The following POLD3 variants were observed in gnomAD, a reference collection of about 807,000 sequenced individuals.
POLD3 encodes DNA polymerase delta subunit 3.
In POLD3, 19 loss-of-function variants were observed where a neutral mutation model predicts 58.2. That is an observed-to-expected ratio of 0.33 (90% confidence interval 0.23 to 0.48). The LOEUF (loss-of-function observed/expected upper bound fraction) is 0.48, where lower values mean the gene tolerates loss of function less well. Ranked by LOEUF, POLD3 falls within the 20% of genes least tolerant of loss-of-function variation. The pLI is 0.99. For missense variants in POLD3, 504 were observed against 545.5 expected, an observed-to-expected ratio of 0.92 and a Z score of 0.76; for synonymous variants, 172 against 193.5, an observed-to-expected ratio of 0.89 and a Z score of 0.92.
intron 3 of POLD3, among the ~76,000 whole-genome samples, chr11:74,608,348 TG>T (rs941824354): frequency 4.6e-5 from 7 of 152,308 alleles, no homozygotes; most frequent in African/African-American, 1.4e-4. Flanking sequence ...CTTAAACTTC[TG>T]GGCTCAAGTG....
At chr11:74,609,344 TGATATATATATATATATATATA>T in intron 3 of POLD3, among the ~76,000 whole-genome samples, 1 of 65,004 alleles carries the variant, frequency 1.5e-5, no homozygotes, top group African/African-American at 7.0e-5. Context: ...CCATTGTTTT[TGATATATATATATATATATATA>T]TATATATTTT....
Position 74,642,966 on chromosome 11 carries a change from A to G in POLD3, c.*2200A>G. 1 of 982,600 alleles carries G rather than the reference A, an allele frequency of 1.0e-6. No homozygotes were observed. The allele number at this position is 982,600 out of a possible 1,614,324, so 60.9% of individuals were successfully genotyped here. A position where few individuals can be genotyped will look rare whatever the true frequency, so the allele number is the denominator to read the frequency against. On this transcript the variant is annotated 3_prime_UTR_variant, in exon 12 of 12. Transcript: ENST00000263681. ...TCTAGAAGAAAATCTAGCACATTGTATTAGTTTGGCTTCATCACTTGCTAG... is the reference window on the plus strand; with the variant it reads ...TCTAGAAGAAAATCTAGCACATTGTGTTAGTTTGGCTTCATCACTTGCTAG...
intron 2 of POLD3, among the ~76,000 whole-genome samples, chr11:74,597,844 G>A (rs985614907): frequency 2.6e-5 from 4 of 152,208 alleles, no homozygotes; most frequent in Non-Finnish European, 4.4e-5. Context: ...GGAGGCTGAG[G>A]TAGGAGGATT....
intron 4 of POLD3, among the ~76,000 whole-genome samples, chr11:74,656,749 T>G (rs769325321): frequency 7.0e-4 from 4 of 5,714 alleles, no homozygotes; most frequent in Non-Finnish European, 1.3e-3. Flanking sequence ...TCAGGGTTTT[T>G]TTTTTTTTTT....
intron 7 of POLD3, among the ~76,000 whole-genome samples, chr11:74,623,986 G>A (rs191312768): frequency 4.6e-5 from 7 of 152,140 alleles, no homozygotes; most frequent in African/African-American, 1.7e-4. Flanking sequence ...TTTTAATTCA[G>A]ATCAGTTTTC....
intron 4 of POLD3, among the ~76,000 whole-genome samples, chr11:74,658,770 G>C (rs1390020416): frequency 1.3e-5 from 2 of 152,194 alleles, no homozygotes; most frequent in African/African-American, 4.8e-5. Context: ...GATGCAAAAG[G>C]TGGGTTCCCA....
intron 11 of POLD3, among the ~76,000 whole-genome samples, chr11:74,637,174 A>G (rs1206083074): frequency 6.6e-6 from 1 of 151,750 alleles, no homozygotes; most frequent in Non-Finnish European, 1.5e-5. Flanking sequence ...TTCCTAGTTC[A>G]GACTTGTTTT....
intron 4 of POLD3, among the ~76,000 whole-genome samples, chr11:74,648,088 T>A (rs2033022963): frequency 6.6e-6 from 1 of 152,210 alleles, no homozygotes; most frequent in Non-Finnish European, 1.5e-5. Context: ...AACTAGTATA[T>A]TTGAACGCTT....
Position 74,640,780 on chromosome 11 carries a change from G to T in POLD3, c.*14G>T, listed in dbSNP as rs556003065. 124 of 1,565,968 alleles carry T rather than the reference G, an allele frequency of 7.9e-5. 2 individuals carry two copies. The South Asian group carries it at 1.4e-3, about 18-fold the overall frequency. On this transcript the variant is annotated 3_prime_UTR_variant, in exon 12 of 12. Transcript: ENST00000263681. ...CAGAGGAAATAAACTGCCATCTCTG[G>T]TAGATCAGAGACTTGGAGTGGTCAA...
In POLD3 at chr11:74,618,651, C is replaced by A. The variant is rs1281114282; in HGVS notation, c.507C>A (p.Asn169Lys). 5.0e-6 allele frequency: 8 copies of A among 1,614,136 alleles called. No individual in the cohort carries two copies. The highest frequency in any genetic ancestry group is 6.8e-6 in the Non-Finnish European group (8 of 1,180,014). The change falls in exon 6 of 12, where the codon AAC becomes AAA. Residue 169 changes from asparagine (N) to lysine (K), a missense_variant. This residue lies in a region of POLD3 where 385 missense variants were observed against 370.5 expected (regional missense o/e 1.04). Coordinates refer to ENST00000263681, the MANE Select transcript of POLD3 (RefSeq NM_006591.3). Reference protein sequence around the residue: ...HLHMSSETQANNELTTNGHGP... With the variant: ...HLHMSSETQAKNELTTNGHGP... Reference sequence around the variant, plus strand: ...ACATGTCAAGTGAGACACAAGCCAACAATGAGCTGACCACCAATGGTCATG... The same window carrying A: ...ACATGTCAAGTGAGACACAAGCCAAAAATGAGCTGACCACCAATGGTCATG...
intron 3 of POLD3, among the ~76,000 whole-genome samples, chr11:74,606,123 G>A (rs182252025): frequency 2.6e-5 from 4 of 152,296 alleles, no homozygotes; most frequent in African/African-American, 9.6e-5. Context: ...AAAACTGCTA[G>A]AGGGATCCTA....
chr11:74,659,620 C>A (rs1430974906), intron 4 of POLD3, among the ~76,000 whole-genome samples: 1 of 151,270 alleles, frequency 6.6e-6, no homozygotes, highest in Non-Finnish European at 1.5e-5. Flanking sequence ...CTGCCAGATA[C>A]CCTAAATAAT....
At chr11:74,607,832 A>C (rs1430943083) in intron 3 of POLD3, among the ~76,000 whole-genome samples, 2 of 152,048 alleles carry the variant, frequency 1.3e-5, no homozygotes, top group African/African-American at 2.4e-5. Flanking sequence ...TCTTGAACTT[A>C]AGTGATCTGC....
Position 74,611,923 on chromosome 11 carries a change from A to G in POLD3, c.259+385A>G, listed in dbSNP as rs115679196. On this transcript the variant is annotated intron_variant, in intron 4 of 11. Transcript: ENST00000263681. Reference sequence around the variant, plus strand: ...GACTTCTAAATAACTTCTAAATTAAATTTGTCTAACTGTTTCAAGACTATC... The same window carrying G: ...GACTTCTAAATAACTTCTAAATTAAGTTTGTCTAACTGTTTCAAGACTATC... Among the ~76,000 whole-genome samples, 227 of 152,326 alleles carry G rather than the reference A, an allele frequency of 1.5e-3. 1 individual carries two copies. Among genetic ancestry groups the G allele is most frequent in the African/African-American group, 4.9e-3 (205 of 41,568 alleles).
At chr11:74,663,442 G>C (rs1009795468) in intron 4 of POLD3, among the ~76,000 whole-genome samples, 7 of 152,198 alleles carry the variant, frequency 4.6e-5, no homozygotes, top group Non-Finnish European at 1.0e-4. Flanking sequence ...TAAGACAGAG[G>C]TGAAGAACTT....
intron 4 of POLD3, among the ~76,000 whole-genome samples, chr11:74,651,162 C>T (rs2033064290): frequency 6.6e-6 from 1 of 152,200 alleles, no homozygotes; most frequent in African/African-American, 2.4e-5. Flanking sequence ...CACGGACTGT[C>T]TATCATTCTA....
chr11:74,666,313 T>G (rs2033267562), intron 4 of POLD3, among the ~76,000 whole-genome samples: 1 of 152,180 alleles, frequency 6.6e-6, no homozygotes, highest in African/African-American at 2.4e-5. Context: ...GGAAATATCT[T>G]CTCATCTTTT....
At chr11:74,615,123 C>G (rs1183206710) in intron 5 of POLD3, among the ~76,000 whole-genome samples, 2 of 152,312 alleles carry the variant, frequency 1.3e-5, no homozygotes, top group East Asian at 3.9e-4. Context: ...TACTAGTTGT[C>G]TGACCTTGGG....
intron 4 of POLD3, among the ~76,000 whole-genome samples, chr11:74,658,174 C>T (rs2033160489): frequency 6.6e-6 from 1 of 152,148 alleles, no homozygotes; most frequent in African/African-American, 2.4e-5. Context: ...AGGTGAAAGG[C>T]ACTTCTTACA....
Sources: gnomAD v4.1 joint callset for allele counts (sites outside exome capture counted in the v4.1 genomes callset) on GRCh38, gnomAD v4.1.1 for gene constraint, gnomAD v4.1.1 regional missense constraint, MANE v1.5 for transcripts, NCBI Gene and HGNC (gene_info 2026-07-23, HGNC 2026-07-21) for gene names.